The following RAB18 variants were observed in gnomAD, a reference collection of about 807,000 sequenced individuals.
The protein encoded by RAB18 is ras-related protein Rab-18.
In RAB18, 10 loss-of-function variants were observed where a neutral mutation model predicts 28.5. That is an observed-to-expected ratio of 0.35 (90% CI 0.22 to 0.60). The LOEUF (loss-of-function observed/expected upper bound fraction) is 0.60. Ranked by LOEUF, RAB18 falls within the 20% of genes least tolerant of loss-of-function variation. The pLI is 0.78. For missense variants in RAB18, 188 were observed against 244.2 expected (o/e 0.77, Z 1.53); for synonymous variants, 93 against 86.9 (o/e 1.07, Z -0.39).
At chr10:27,504,528 C>T in intron 1 of RAB18, 91 bp downstream of exon 1, 3 of 1,425,028 alleles carry the variant, frequency 2.1e-6, no homozygotes, top group Non-Finnish European at 2.9e-6. Context: ...GAACTGTAAA[C>T]TGCAGCGGCG....
intron 6 of RAB18, among the ~76,000 whole-genome samples, chr10:27,535,597 AG>A: frequency 6.6e-6 from 1 of 152,308 alleles, no homozygotes; most frequent in East Asian, 1.9e-4. Context: ...TACTCTAAAA[AG>A]ATCCTGTTGT....
rs753997206 is a variant in RAB18, at chr10:27,533,951, T to C, written c.402T>C (p.Asn134=). The change falls in exon 6 of 7, where the codon AAT becomes AAC. Residue 134 remains asparagine (N), a synonymous_variant. Coordinates refer to ENST00000356940, the MANE Select transcript of RAB18 (RefSeq NM_021252.5). ...IDKENREVDR[N]EGLKFARKHS... is the part of the protein sequence containing the mutation. ...AGGAAAATCGTGAAGTCGATAGAAA[T>C]GAAGGCCTGAAATTTGCACGAAAGC... The C allele has an allele frequency of 1.2e-6, 2 of 1,609,268 alleles. No individual in the cohort carries two copies. The highest frequency in any genetic ancestry group is 2.2e-5 in the East Asian group (1 of 44,784).
Position 27,541,858 on chromosome 10 carries a change from T to C in RAB18, c.*3807T>C, listed in dbSNP as rs1346752694. The C allele has an allele frequency of 4.5e-6, 2 of 443,640 alleles. No individual in the cohort carries two copies. The highest frequency in any genetic ancestry group is 1.6e-5 in the South Asian group (1 of 63,516). 27.5% of individuals were successfully genotyped at this position (443,640 alleles called of 1,614,324 possible). ...CCCCCACCCCTGCAAACAATTGGCA[T>C]GTGGTTTGGGTGGCATTGTCACACC... is the stretch of plus-strand genomic sequence containing the variant. On this transcript the variant is annotated 3_prime_UTR_variant, in exon 7 of 7. Coordinates refer to ENST00000356940, the MANE Select transcript of RAB18 (RefSeq NM_021252.5).
chr10:27,528,370 T>C (rs886645066), intron 3 of RAB18: 1 of 472,000 alleles, frequency 2.1e-6, no homozygotes, highest in African/African-American at 2.0e-5. Context: ...AAAGGGATAA[T>C]TGAGACAATA....
Position 27,509,873 on chromosome 10 carries a change from A to G in RAB18, c.69-2A>G. 1 of 1,611,406 alleles carries G rather than the reference A, an allele frequency of 6.2e-7. No individual in the cohort carries two copies. The highest frequency in any genetic ancestry group is 8.5e-7 in the Non-Finnish European group (1 of 1,177,918). On this transcript the variant is annotated splice_acceptor_variant, in intron 1 of 6. Transcript: ENST00000356940. LOFTEE classifies it high-confidence loss of function. ...AACCTGTCTTTTTAATATCTCTTTC[A>G]GCCTGCTCTTGAGGTTCACAGATGA...
rs148951413 is a variant in RAB18 at position 27,542,177 on chromosome 10, T to C, written c.*4126T>C. The C allele has an allele frequency of 8.8e-6, 4 of 454,126 alleles. No individual in the cohort carries two copies. Among genetic ancestry groups the C allele is most frequent in the African/African-American group, 8.0e-5 (4 of 50,114 alleles). 28.1% of individuals were successfully genotyped at this position (454,126 alleles called of 1,614,324 possible). ...ACTTCTGGATCAAATTGGACCTGAA[T>C]TGAGATCTATTTCTCAGCTTTCACT... is the stretch of plus-strand genomic sequence containing the variant. On this transcript the variant is annotated 3_prime_UTR_variant, in exon 7 of 7. Transcript: ENST00000356940.
intron 3 of RAB18, among the ~76,000 whole-genome samples, chr10:27,530,803 CT>C (rs902008915): frequency 1.3e-5 from 2 of 150,662 alleles, no homozygotes; most frequent in Non-Finnish European, 3.0e-5. Flanking sequence ...TAGTTGATTA[CT>C]TTTTTTTTCC....
chr10:27,504,954 G>A (rs1236907752), intron 1 of RAB18: 2 of 533,246 alleles, frequency 3.8e-6, no homozygotes, highest in South Asian at 1.4e-5. Flanking sequence ...GCAGCTTAAT[G>A]TCGATTCTTT....
intron 2 of RAB18, among the ~76,000 whole-genome samples, chr10:27,511,396 G>A (rs1390171465): frequency 2.6e-5 from 4 of 151,902 alleles, no homozygotes; most frequent in Non-Finnish European, 5.9e-5. Flanking sequence ...TGATAGAGAC[G>A]GGGTTTACCA....
chr10:27,539,392 G>A lies in RAB18; in HGVS notation c.*1341G>A, dbSNP rs1363858763. 3.4e-6 allele frequency: 1 copy of A among 295,986 alleles called. No individual in the cohort carries two copies. Among genetic ancestry groups the A allele is most frequent in the Admixed American group, 5.0e-5 (1 of 19,974 alleles). 18.3% of individuals were successfully genotyped at this position (295,986 alleles called of 1,614,324 possible). On this transcript the variant is annotated 3_prime_UTR_variant, in exon 7 of 7. Coordinates refer to ENST00000356940, the MANE Select transcript of RAB18 (RefSeq NM_021252.5). ...TTGTGAGTGACCACCTTTGCAATAT[G>A]TTTGTTAATTTACTTCATGTTGGGT...
At position 27,540,477 on chromosome 10, in the gene RAB18, C is replaced by T. The variant is rs1331314102; in HGVS notation, c.*2426C>T. 3 of 454,046 alleles carry T rather than the reference C, an allele frequency of 6.6e-6. No homozygotes were observed. The highest frequency in any genetic ancestry group is 4.7e-5 in the South Asian group (3 of 64,476). The allele number at this position is 454,046 out of a possible 1,614,324, so 28.1% of individuals were successfully genotyped here. A position where few individuals can be genotyped will look rare whatever the true frequency, so the allele number is the denominator to read the frequency against. ...TAAGGCAGTTCCACTATTTCTTTAT[C>T]ACTCTTTTGTTATATGTAATAGAAG... is the stretch of plus-strand genomic sequence containing the variant. On this transcript the variant is annotated 3_prime_UTR_variant, in exon 7 of 7. Transcript: ENST00000356940.
At chr10:27,529,988 A>G (rs546671292) in intron 3 of RAB18, among the ~76,000 whole-genome samples, 3 of 152,108 alleles carry the variant, frequency 2.0e-5, no homozygotes, top group Admixed American at 2.0e-4. Flanking sequence ...CTTTCTTGCT[A>G]TGGTTTTTAC....
intron 2 of RAB18, among the ~76,000 whole-genome samples, chr10:27,522,034 G>A (rs747098476): frequency 2.6e-5 from 4 of 152,022 alleles, no homozygotes; most frequent in Non-Finnish European, 5.9e-5. Context: ...TAATGAAACT[G>A]TAATTGTAAA....
chr10:27,516,768 AT>A (rs761521765), intron 2 of RAB18, among the ~76,000 whole-genome samples: 37 of 152,306 alleles, frequency 2.4e-4, no homozygotes, highest in South Asian at 1.2e-3. Flanking sequence ...CAGTAAAAAA[AT>A]ATGTTAATTA....
rs61757825 is a variant in RAB18, at chr10:27,504,405, C to A, written c.36C>A (p.Leu12=). Residue 12 remains leucine, a synonymous_variant, in exon 1 of 7, where the codon CTC becomes CTA. Coordinates refer to ENST00000356940, the MANE Select transcript of RAB18 (RefSeq NM_021252.5). ...DEDVLTTLKI[L]IIGESGVGKS... is the part of the protein sequence containing the mutation. Reference sequence around the variant, plus strand: ...ACGTGCTAACCACCCTGAAGATCCTCATCATCGGCGAGAGTGGGGTGGGCA... The same window carrying A: ...ACGTGCTAACCACCCTGAAGATCCTAATCATCGGCGAGAGTGGGGTGGGCA... The A allele has an allele frequency of 8.0e-5, 126 of 1,573,766 alleles. No homozygotes were observed. The highest frequency in any genetic ancestry group is 9.4e-5 in the Non-Finnish European group (109 of 1,159,698).
intron 1 of RAB18, among the ~76,000 whole-genome samples, chr10:27,508,906 A>G (rs748105611): frequency 1.3e-5 from 2 of 152,202 alleles, no homozygotes; most frequent in East Asian, 1.9e-4. Context: ...AAACAGGTCA[A>G]TTAGGAGAGT....
At chr10:27,534,024 C>T (rs780435909) in intron 6 of RAB18, 30 bp downstream of exon 6, 1 of 1,552,790 alleles carries the variant, frequency 6.4e-7, no homozygotes, top group East Asian at 2.2e-5. Context: ...TCTGTCCTTT[C>T]ATTATTAATG....
intron 6 of RAB18, among the ~76,000 whole-genome samples, 188 bp from the exon 7 acceptor site, chr10:27,537,688 G>C (rs1353428518): frequency 6.6e-6 from 1 of 151,992 alleles, no homozygotes; most frequent in Non-Finnish European, 1.5e-5. Context: ...TATTCTTATG[G>C]ATAGAATTTA....
intron 2 of RAB18, among the ~76,000 whole-genome samples, chr10:27,516,509 G>A (rs1281563992): frequency 6.6e-6 from 1 of 150,992 alleles, no homozygotes; most frequent in Non-Finnish European, 1.5e-5. Context: ...AGTGAGCCAA[G>A]ATCGCACCAC....
Sources: gnomAD v4.1 joint callset for allele counts (sites outside exome capture counted in the v4.1 genomes callset) on GRCh38, gnomAD v4.1.1 for gene constraint, MANE v1.5 for transcripts, NCBI Gene and HGNC (gene_info 2026-07-23, HGNC 2026-07-21) for gene names.